The following FBXL7 variants were observed in gnomAD, a reference collection of about 807,000 sequenced individuals.
FBXL7 encodes the protein F-box/LRR-repeat protein 7.
In FBXL7, 12 loss-of-function variants were observed where a neutral mutation model predicts 38.3. The ratio of observed to expected loss-of-function variants is 0.31; its 90% CI spans 0.20 to 0.51. The LOEUF (loss-of-function observed/expected upper bound fraction) is 0.51, where lower values mean the gene tolerates loss of function less well. Among genes scored for constraint, FBXL7 ranks in the 20% least tolerant of loss-of-function variants. The probability of loss-of-function intolerance (pLI) is 0.98; values close to 1 mark genes in which losing one functional copy is unlikely to be tolerated. For missense variants in FBXL7, 567 were observed against 676.4 expected (o/e 0.84, Z 1.79); for synonymous variants, 297 against 300.9 (o/e 0.99, Z 0.13).
chr5:15,558,026 G>A (rs371203102), intron 1 of FBXL7, among the ~76,000 whole-genome samples: 15 of 152,300 alleles, frequency 9.8e-5, no homozygotes, highest in Admixed American at 5.9e-4. Flanking sequence ...ATTGGTTTAC[G>A]GATATAGAGC....
chr5:15,523,292 C>T (rs1444576287), intron 1 of FBXL7, among the ~76,000 whole-genome samples: 1 of 152,182 alleles, frequency 6.6e-6, no homozygotes, highest in African/African-American at 2.4e-5. Flanking sequence ...GGTGCGGTGG[C>T]TCACGGCTGT....
At chr5:15,751,641 C>T (rs995421685) in intron 2 of FBXL7, among the ~76,000 whole-genome samples, 1 of 152,162 alleles carries the variant, frequency 6.6e-6, no homozygotes, top group East Asian at 1.9e-4. Flanking sequence ...GGAGAGGGAA[C>T]CTTACCATAG....
At chr5:15,808,349 T>C (rs1418314717) in intron 2 of FBXL7, among the ~76,000 whole-genome samples, 3 of 152,126 alleles carry the variant, frequency 2.0e-5, no homozygotes, top group Admixed American at 2.0e-4. Flanking sequence ...TGAAAAAAAT[T>C]CATATATAAA....
rs113358073 is a variant in FBXL7, at chr5:15,534,999, G to C, written c.37+34286G>C. 5.0e-3 allele frequency among the ~76,000 whole-genome samples: 760 copies of C among 152,306 alleles called. 9 individuals carry two copies. The highest frequency in any genetic ancestry group is 0.017 in the African/African-American group (714 of 41,570). On this transcript the variant is annotated intron_variant, in intron 1 of 3. Transcript: ENST00000504595. ...TCACTCATGCTGTTTTCCTAATAGT[G>C]AGTGAGTCTCATGAGATCTGATAGT...
chr5:15,521,598 CAG>C (rs1016430816), intron 1 of FBXL7, among the ~76,000 whole-genome samples: 84 of 152,290 alleles, frequency 5.5e-4, no homozygotes, highest in African/African-American at 1.9e-3. Flanking sequence ...CTTTGGGAAA[CAG>C]AAACTTTAGC....
At chr5:15,657,741 G>GGCTGAT (rs1435418971) in intron 2 of FBXL7, among the ~76,000 whole-genome samples, 20 of 152,034 alleles carry the variant, frequency 1.3e-4, no homozygotes, top group African/African-American at 4.6e-4. Context: ...GGGAGGCTGA[G>GGCTGAT]GCAGGAGAAT....
intron 2 of FBXL7, among the ~76,000 whole-genome samples, chr5:15,738,820 A>G (rs552093287): frequency 5.9e-5 from 9 of 152,306 alleles, no homozygotes; most frequent in Non-Finnish European, 1.2e-4. Context: ...TCTGTAGGGA[A>G]AGAAGACAAC....
At chr5:15,626,620 G>A (rs1335622990) in intron 2 of FBXL7, among the ~76,000 whole-genome samples, 1 of 151,130 alleles carries the variant, frequency 6.6e-6, no homozygotes, top group Non-Finnish European at 1.5e-5. Context: ...ATATTTAATC[G>A]AGATGTCCAG....
At chr5:15,631,979 C>A (rs1402927159) in intron 2 of FBXL7, among the ~76,000 whole-genome samples, 2 of 152,032 alleles carry the variant, frequency 1.3e-5, no homozygotes, top group Non-Finnish European at 2.9e-5. Flanking sequence ...AGGTAGAAAA[C>A]CTTTCAAAGC....
intron 2 of FBXL7, among the ~76,000 whole-genome samples, chr5:15,694,545 T>TAGA (rs974931549): frequency 9.2e-5 from 14 of 152,208 alleles, no homozygotes; most frequent in African/African-American, 2.7e-4. Flanking sequence ...ATCCTTTAAC[T>TAGA]AGACCTTGGA....
intron 2 of FBXL7, among the ~76,000 whole-genome samples, chr5:15,676,601 C>A (rs1214285120): frequency 6.6e-6 from 1 of 152,196 alleles, no homozygotes. Context: ...AGGATTCCCA[C>A]CCAGTTAAAT....
At chr5:15,902,121 C>A (rs924888349) in intron 2 of FBXL7, among the ~76,000 whole-genome samples, 2 of 152,172 alleles carry the variant, frequency 1.3e-5, no homozygotes, top group African/African-American at 2.4e-5. Context: ...AACCTTCTCT[C>A]TGTATGGGGA....
At chr5:15,752,427 T>A (rs1318398572) in intron 2 of FBXL7, among the ~76,000 whole-genome samples, 1 of 152,164 alleles carries the variant, frequency 6.6e-6, no homozygotes, top group African/African-American at 2.4e-5. Flanking sequence ...CTTTGTCAGG[T>A]AGTTTTCATG....
intron 2 of FBXL7, among the ~76,000 whole-genome samples, chr5:15,898,299 C>T (rs919098708): frequency 6.6e-6 from 1 of 152,158 alleles, no homozygotes; most frequent in Non-Finnish European, 1.5e-5. Flanking sequence ...TCCTTCTCCC[C>T]AGCCACGTTC....
chr5:15,809,606 G>A (rs433107), intron 2 of FBXL7, among the ~76,000 whole-genome samples: 86,209 of 151,610 alleles, frequency 0.57, 25,063 homozygotes, highest in Non-Finnish European at 0.64. Context: ...ATAATCATTC[G>A]TGCACATAAA....
At chr5:15,595,527 T>C (rs1739602927) in intron 1 of FBXL7, among the ~76,000 whole-genome samples, 1 of 152,166 alleles carries the variant, frequency 6.6e-6, no homozygotes. Flanking sequence ...GGATTTAATT[T>C]TGAAGTATTA....
chr5:15,808,399 A>C (rs1489465236), intron 2 of FBXL7, among the ~76,000 whole-genome samples: 1 of 152,116 alleles, frequency 6.6e-6, no homozygotes, highest in African/African-American at 2.4e-5. Flanking sequence ...ATATCTAGCC[A>C]TGGACTTGCG....
intron 2 of FBXL7, among the ~76,000 whole-genome samples, chr5:15,752,983 G>A (rs1214049959): frequency 6.6e-6 from 1 of 152,102 alleles, no homozygotes; most frequent in East Asian, 1.9e-4. Context: ...TTGACGTTAG[G>A]GCAAAGTTGT....
At chr5:15,822,736 G>A (rs139383258) in intron 2 of FBXL7, among the ~76,000 whole-genome samples, 81 of 150,906 alleles carry the variant, frequency 5.4e-4, no homozygotes, top group African/African-American at 1.8e-3. Flanking sequence ...GTAGATGTGC[G>A]TTAGCTCATA....
Sources: gnomAD v4.1 joint callset for allele counts (sites outside exome capture counted in the v4.1 genomes callset) on GRCh38, gnomAD v4.1.1 for gene constraint, MANE v1.5 for transcripts, NCBI Gene and HGNC (gene_info 2026-07-23, HGNC 2026-07-21) for gene names.